The following USP4 variants were observed in gnomAD, a reference collection of about 807,000 sequenced individuals.
USP4 encodes the protein ubiquitin specific peptidase 4, also known as ubiquitin carboxyl-terminal hydrolase 4.
Under a neutral mutation model 118.2 loss-of-function variants are expected in USP4, and 72 were observed. The observed-to-expected ratio is 0.61, with a 90% confidence interval of 0.50 to 0.74. The LOEUF is 0.74. USP4 is among the 30% of genes least tolerant of loss of function. The pLI is 0.00. For synonymous variants in USP4, 415 were observed against 440.4 expected, an observed-to-expected ratio of 0.94 and a Z score of 0.72; for missense variants, 1,037 against 1,185.7, an observed-to-expected ratio of 0.87 and a Z score of 1.84.
rs2046985199 is a variant in USP4, at chr3:49,278,528, C to T, written c.2734-77G>A. 5 of 1,524,828 alleles carry T rather than the reference C, an allele frequency of 3.3e-6. 1 individual carries two copies. In the Admixed American group the frequency reaches 8.9e-5, roughly 27 times the overall value. The allele number at this position is 1,524,828 out of a possible 1,614,324, so 94.5% of individuals were successfully genotyped here. The stretch of plus-strand genomic sequence containing the variant: ...TTTCCCCAGCTTTTCTCTAGCTGTC[C>T]AAAACCCTCAAGGATCTGCCATATC... On this transcript the variant is annotated intron_variant, in intron 21 of 21. Transcript: ENST00000265560.
Position 49,283,255 on chromosome 3 carries a change from C to T in USP4, c.2540+732G>A, listed in dbSNP as rs561658190. 2.0e-4 allele frequency among the ~76,000 whole-genome samples: 31 copies of T among 152,030 alleles called. No individual in the cohort carries two copies. The South Asian group carries it at 6.4e-3, about 32-fold the overall frequency. ...GGTCTCGATCTCCAGACCTTGTGAT[C>T]TGCCCACCTTGGCCTCCCAAAGTGC... On this transcript the variant is annotated intron_variant, in intron 19 of 21. Transcript: ENST00000265560.
intron 6 of USP4, among the ~76,000 whole-genome samples, chr3:49,316,127 G>A (rs967215659): frequency 5.9e-5 from 9 of 152,030 alleles, no homozygotes; most frequent in South Asian, 2.1e-4. Flanking sequence ...ACTTGAACCC[G>A]GGAGGTGGAG....
chr3:49,298,684 C>T (rs775914006), intron 11 of USP4, 49 bp from the exon 12 acceptor site: 16 of 1,533,728 alleles, frequency 1.0e-5, no homozygotes, highest in African/African-American at 4.1e-5. Context: ...ACAAAGGGTG[C>T]GAAATGCATT....
At position 49,284,563 on chromosome 3, in the gene USP4, T is replaced by A. The variant is rs1021259970; in HGVS notation, c.2293A>T (p.Met765Leu). ...TTCTTCTTCTTCTGAGGCTGCAACA[T>A]GCTCACATGCTTCTCGTAGGCCTAT... ...ESEAYEKHVS[M>L]LQPQKKKKTT... Residue 765 changes from methionine to leucine, a missense_variant, in exon 18 of 22, where the codon ATG (methionine) becomes TTG (leucine). Met to Leu is a conservative substitution (Grantham distance 15). Coordinates refer to ENST00000265560, the MANE Select transcript of USP4 (RefSeq NM_003363.4). 1 of 1,614,122 alleles carries A rather than the reference T, an allele frequency of 6.2e-7. No individual in the cohort carries two copies. Among genetic ancestry groups the A allele is most frequent in the East Asian group, 2.2e-5 (1 of 44,884 alleles).
At chr3:49,292,771 G>C (rs909840778) in intron 14 of USP4, among the ~76,000 whole-genome samples, 173 bp from the exon 15 acceptor site, 1 of 152,226 alleles carries the variant, frequency 6.6e-6, no homozygotes, top group Non-Finnish European at 1.5e-5. Context: ...AGGTGTGGTG[G>C]CTAATCCCAG....
rs759284128 is a variant in USP4, at chr3:49,300,470, A to C, written c.1509T>G (p.Thr503=). 1 of 1,614,034 alleles carries C rather than the reference A, an allele frequency of 6.2e-7. No homozygotes were observed. Among genetic ancestry groups the C allele is most frequent in the Admixed American group, 1.7e-5 (1 of 59,990 alleles). ...LVPADPHCRP[T]QYRVTVPLMG... The stretch of plus-strand genomic sequence containing the variant: ...ATAAGGGTGTGGATTCTGTCACCTG[A>C]GTAGGTCTGCAGTGAGGGTCAGCAG... Residue 503 remains threonine (T), a synonymous_variant, in exon 11 of 22, where the codon ACT becomes ACG. Coordinates refer to ENST00000265560, the MANE Select transcript of USP4 (RefSeq NM_003363.4).
intron 13 of USP4, 106 bp from the exon 14 acceptor site, chr3:49,294,704 G>T: frequency 9.2e-7 from 1 of 1,082,182 alleles, no homozygotes; most frequent in Non-Finnish European, 1.3e-6. Context: ...CTGGGACAGA[G>T]CATATTTGAG....
chr3:49,308,986 T>C (rs559053459), intron 8 of USP4, among the ~76,000 whole-genome samples: 49 of 146,112 alleles, frequency 3.4e-4, no homozygotes, highest in Admixed American at 8.5e-4. Context: ...GCGTCAAGAT[T>C]GCGCGACTGC....
Position 49,335,455 on chromosome 3 carries a change from AACATTT to A in USP4, c.229+8_229+13del. On this transcript the variant is annotated splice_region_variant and intron_variant, in intron 2 of 21. Transcript: ENST00000265560. ...CAGGTGAATGTTTAGCTAGAAAAGC[AACATTT>A]ACTATACCTGAAAATAGCCCAGAGT... 1 of 1,614,226 alleles carries A rather than the reference AACATTT, an allele frequency of 6.2e-7. No individual in the cohort carries two copies. The highest frequency in any genetic ancestry group is 8.5e-7 in the Non-Finnish European group (1 of 1,180,046).
At chr3:49,316,092 A>G (rs2047432305) in intron 6 of USP4, among the ~76,000 whole-genome samples, 1 of 151,576 alleles carries the variant, frequency 6.6e-6, no homozygotes, top group South Asian at 2.1e-4. Flanking sequence ...AATTCCATCT[A>G]CTCAGAGGCT....
At position 49,324,999 on chromosome 3, in the gene USP4, A is replaced by T. The variant is rs759897103; in HGVS notation, c.528T>A (p.Pro176=). The stretch of plus-strand genomic sequence containing the variant: ...TCCAGAGCCGTGTTTCACGCTCCGC[A>T]GGGATGTTGAATAGCTTCCGCATCT... ...EKEMRKLFNI[P]AERETRLWNK... is the part of the protein sequence containing the mutation. Residue 176 remains proline (P), a synonymous_variant, in exon 5 of 22, where the codon CCT becomes CCA. Coordinates refer to ENST00000265560, the MANE Select transcript of USP4 (RefSeq NM_003363.4). 2 of 1,613,664 alleles carry T rather than the reference A, an allele frequency of 1.2e-6. No individual in the cohort carries two copies.
intron 1 of USP4, 145 bp from the exon 2 acceptor site, chr3:49,335,741 C>T (rs957977197): frequency 1.2e-6 from 1 of 849,294 alleles, no homozygotes; most frequent in African/African-American, 1.7e-5. Context: ...AAGAGCAGGG[C>T]CCAGGCCCCA....
intron 8 of USP4, among the ~76,000 whole-genome samples, chr3:49,308,209 T>C (rs926013546): frequency 2.6e-5 from 4 of 152,110 alleles, no homozygotes; most frequent in African/African-American, 4.8e-5. Context: ...AGTCTAGTCC[T>C]AGGGTGAGAA....
At chr3:49,326,633 G>A (rs1264678429) in intron 3 of USP4, among the ~76,000 whole-genome samples, 1 of 151,602 alleles carries the variant, frequency 6.6e-6, no homozygotes, top group Non-Finnish European at 1.5e-5. Context: ...TTAACCTCGT[G>A]ATCCGCCTGC....
At chr3:49,335,740 G>T in intron 1 of USP4, 144 bp from the exon 2 acceptor site, 1 of 869,608 alleles carries the variant, frequency 1.1e-6, no homozygotes, top group Non-Finnish European at 1.8e-6. Context: ...CAAGAGCAGG[G>T]CCCAGGCCCC....
chr3:49,286,188 T>G lies in USP4; in HGVS notation c.2110A>C (p.Lys704Gln). Residue 704 changes from lysine (K) to glutamine (Q), a missense_variant, in exon 16 of 22, where the codon AAA (lysine) becomes CAA (glutamine). Around this residue, in one of 3 missense-constraint regions of USP4, gnomAD observed 522 missense variants for 592.6 expected, o/e 0.88. Coordinates refer to ENST00000265560, the MANE Select transcript of USP4 (RefSeq NM_003363.4). ...ACAAGACTGAAGGTAAAAAGCCTTT[T>G]TGGGCAGGGCTGGCCTTTGATCTTC... ...QKKIKGQPCP[K>Q]RLFTFSLVNS... 1 of 1,614,182 alleles carries G rather than the reference T, an allele frequency of 6.2e-7. No homozygotes were observed. The highest frequency in any genetic ancestry group is 1.1e-5 in the South Asian group (1 of 91,086).
At chr3:49,318,577 T>C in intron 6 of USP4, 1 of 985,428 alleles carries the variant, frequency 1.0e-6, no homozygotes, top group Non-Finnish European at 1.2e-6. Flanking sequence ...GCCCAGAATT[T>C]ACAAGGTGGT....
intron 6 of USP4, among the ~76,000 whole-genome samples, chr3:49,320,736 GTTTC>G (rs1395697972): frequency 1.3e-5 from 2 of 152,060 alleles, no homozygotes; most frequent in Admixed American, 1.3e-4. Context: ...CTTATTTCAG[GTTTC>G]TTTTTTTTCC....
chr3:49,328,340 G>A (rs2047579247), intron 2 of USP4, among the ~76,000 whole-genome samples: 1 of 151,980 alleles, frequency 6.6e-6, no homozygotes, highest in Non-Finnish European at 1.5e-5. Context: ...CCTGGTGAAA[G>A]AGCAAGACTC....
Sources: allele counts gnomAD v4.1 joint callset (sites outside exome capture counted in the v4.1 genomes callset), GRCh38; gene constraint gnomAD v4.1.1; regional missense constraint gnomAD v4.1.1; transcripts MANE v1.5; gene names NCBI Gene and HGNC (gene_info 2026-07-23, HGNC 2026-07-21).